The following PCDHGA2 variants were observed in gnomAD, a reference collection of about 807,000 sequenced individuals.
The protein encoded by PCDHGA2 is protocadherin gamma-A2.
In PCDHGA2, 40 loss-of-function variants were observed where a neutral mutation model predicts 59.2. The ratio of observed to expected loss-of-function variants is 0.68; its 90% CI spans 0.52 to 0.88. The LOEUF is 0.88. Among genes scored for constraint, PCDHGA2 ranks in the 40% least tolerant of loss-of-function variants. The pLI, the probability that PCDHGA2 is intolerant of heterozygous loss-of-function variation, is 0.00. For synonymous variants in PCDHGA2, 560 were observed against 526.0 expected (o/e 1.06, Z -0.89); for missense variants, 1,226 against 1,204.0 (o/e 1.02, Z -0.27).
chr5:141,430,970 A>G (rs1026736997), intron 1 of PCDHGA2: 3 of 1,613,068 alleles, frequency 1.9e-6, no homozygotes, highest in Non-Finnish European at 2.5e-6. Context: ...CCCCAGAGGT[A>G]GGACGCAGCT....
chr5:141,357,980 A>C (rs979777324), intron 1 of PCDHGA2, among the ~76,000 whole-genome samples: 2 of 152,164 alleles, frequency 1.3e-5, no homozygotes, highest in Non-Finnish European at 2.9e-5. Context: ...GCCTGAGCTC[A>C]GGAGTTCGAG....
In PCDHGA2 at chr5:141,490,294, T is replaced by C. The variant is rs766906839; in HGVS notation, c.2425-4513T>C. ...CAATGACAATGCCCCAGAGGTGCTA[T>C]TGGCCTCTTTGGCCAACCCTGTCCT... On this transcript the variant is annotated intron_variant, in intron 1 of 3. Transcript: ENST00000394576. This position sits in a 1 kb window ranked among gnomAD's most constrained non-coding sequence, Gnocchi z 5.4. The C allele has an allele frequency of 5.6e-6, 9 of 1,614,104 alleles. No individual in the cohort carries two copies. The East Asian group carries it at 1.3e-4, about 24-fold the overall frequency.
At chr5:141,372,259 G>T (rs1229622208) in intron 1 of PCDHGA2, 2 of 1,613,108 alleles carry the variant, frequency 1.2e-6, no homozygotes, top group East Asian at 2.2e-5. Flanking sequence ...CTGGGCCTGC[G>T]CACGGGTGAG....
intron 1 of PCDHGA2, chr5:141,389,075 A>T: frequency 6.2e-7 from 1 of 1,614,066 alleles, no homozygotes; most frequent in Non-Finnish European, 8.5e-7. Context: ...CTTCTTCAAG[A>T]AACACGTATA....
intron 1 of PCDHGA2, among the ~76,000 whole-genome samples, chr5:141,406,607 C>T (rs1289606470): frequency 6.6e-6 from 1 of 152,202 alleles, no homozygotes; most frequent in Non-Finnish European, 1.5e-5. Flanking sequence ...AAAGTTGTCA[C>T]ATCTTTTATT....
intron 1 of PCDHGA2, chr5:141,344,231 C>T (rs1350756695): frequency 1.2e-6 from 2 of 1,613,918 alleles, no homozygotes; most frequent in Non-Finnish European, 1.7e-6. Flanking sequence ...GAGTCCGCAT[C>T]GTCTCCAGAG....
rs374476072 is a variant in PCDHGA2, at chr5:141,419,103, C to T, written c.2425-75704C>T. 5 of 1,613,886 alleles carry T rather than the reference C, an allele frequency of 3.1e-6. 1 individual carries two copies. Among genetic ancestry groups the T allele is most frequent in the South Asian group, 1.1e-5 (1 of 91,088 alleles). On this transcript the variant is annotated intron_variant, in intron 1 of 3. Transcript: ENST00000394576. ...GATGAGGCCCTGGATCGGGAGCAGA[C>T]CCCAGAGTACAACGTCACCATCGCA... is the stretch of plus-strand genomic sequence containing the variant.
At position 141,381,826 on chromosome 5, in the gene PCDHGA2, C is replaced by CTTTTTTT. The variant is rs770630741; in HGVS notation, c.2424+40447_2424+40453dup. Among the ~76,000 whole-genome samples the CTTTTTTT allele has an allele frequency of 1.4e-3, 102 of 74,248 alleles. 2 individuals are homozygous for CTTTTTTT. The highest frequency in any genetic ancestry group is 1.7e-3 in the Non-Finnish European group (71 of 42,360). The allele number at this position is 74,248 out of a possible 152,430, so 48.7% of individuals were successfully genotyped here. ...TTTCTTTCTTTCTTTCTTTCTTCTT[C>CTTTTTTT]TTTTTTTTTTTTTTTTTTTTTTGGC... On this transcript the variant is annotated intron_variant, in intron 1 of 3. Transcript: ENST00000394576.
At chr5:141,421,241 T>C in intron 1 of PCDHGA2, 1 of 1,600,982 alleles carries the variant, frequency 6.2e-7, no homozygotes, top group Non-Finnish European at 8.5e-7. Flanking sequence ...GCGAATCGGC[T>C]ACAGCGCGGG....
Position 141,510,957 on chromosome 5 carries a change from T to C in PCDHGA2, c.2583T>C (p.Asp861=), listed in dbSNP as rs372617587. ...MILASASEAA[D]GSSTLGGGAG... ...CCTCTGTCTCTGCAGAAGCTGCTGA[T>C]GGGAGCTCCACCCTGGGAGGGGGTG... Residue 861 remains aspartate, a synonymous_variant, in exon 4 of 4, where the codon GAT becomes GAC. Transcript: ENST00000394576. 2.5e-6 allele frequency: 4 copies of C among 1,614,134 alleles called. No individual in the cohort carries two copies. The highest frequency in any genetic ancestry group is 3.4e-6 in the Non-Finnish European group (4 of 1,180,004).
Position 141,340,891 on chromosome 5 carries a change from G to C in PCDHGA2, c.1920G>C (p.Gln640His), listed in dbSNP as rs1334776652. 6.2e-7 allele frequency: 1 copy of C among 1,613,716 alleles called. No individual in the cohort carries two copies. Among genetic ancestry groups the C allele is most frequent in the South Asian group, 1.1e-5 (1 of 91,046 alleles). ...RALLDRDALK[Q>H]SLVVAIQDHG... Reference sequence around the variant, plus strand: ...TGCTGGACAGAGACGCGCTCAAGCAGAGCCTCGTGGTGGCCATCCAGGACC... The same window carrying C: ...TGCTGGACAGAGACGCGCTCAAGCACAGCCTCGTGGTGGCCATCCAGGACC... Residue 640 changes from glutamine (Q) to histidine (H), a missense_variant, in exon 1 of 4, where the codon CAG (glutamine) becomes CAC (histidine). Transcript: ENST00000394576.
intron 1 of PCDHGA2, chr5:141,398,722 A>T: frequency 1.9e-6 from 3 of 1,613,816 alleles, no homozygotes; most frequent in Non-Finnish European, 2.5e-6. Context: ...ACTGGAGAAA[A>T]CCTTAGACCG....
At position 141,410,351 on chromosome 5, in the gene PCDHGA2, C is replaced by T. The variant is rs372351374; in HGVS notation, c.2424+68956C>T. ...TCTGGCCATTGCCTTGCGCCTGCGA[C>T]GCTCTCTCAGCCCTGCTACTTGGGA... On this transcript the variant is annotated intron_variant, in intron 1 of 3. Coordinates refer to ENST00000394576, the MANE Select transcript of PCDHGA2 (RefSeq NM_018915.4). The T allele has an allele frequency of 2.5e-6, 4 of 1,613,948 alleles. No homozygotes were observed. In the African/African-American group the frequency reaches 4.0e-5, roughly 16 times the overall value.
chr5:141,404,952 G>T, intron 1 of PCDHGA2: 1 of 1,614,030 alleles, frequency 6.2e-7, no homozygotes, highest in Non-Finnish European at 8.5e-7. Flanking sequence ...ATAGCTGACA[G>T]CATCCCAGAC....
At chr5:141,346,892 C>A (rs1049996512) in intron 1 of PCDHGA2, among the ~76,000 whole-genome samples, 1 of 152,168 alleles carries the variant, frequency 6.6e-6, no homozygotes, top group Non-Finnish European at 1.5e-5. Context: ...TATAGCTTAT[C>A]CTGATACATA....
rs765969768 is a variant in PCDHGA2, at chr5:141,421,456, G to A, written c.2425-73351G>A. ...CTCCAGAGGGAAGACACAGCTTTTC[G>A]CTGTGAATCCGCGAAGCGGCAGCTT... is the stretch of plus-strand genomic sequence containing the variant. On this transcript the variant is annotated intron_variant, in intron 1 of 3. Transcript: ENST00000394576. 9.3e-6 allele frequency: 15 copies of A among 1,614,132 alleles called. No homozygotes were observed. Among genetic ancestry groups the A allele is most frequent in the Non-Finnish European group, 1.1e-5 (13 of 1,179,948 alleles).
chr5:141,347,616 G>C (rs1322206941), intron 1 of PCDHGA2, among the ~76,000 whole-genome samples: 1 of 152,010 alleles, frequency 6.6e-6, no homozygotes, highest in Non-Finnish European at 1.5e-5. Flanking sequence ...GTGAAAGCCT[G>C]TCTCTACTAA....
chr5:141,376,129 C>G, intron 1 of PCDHGA2: 2 of 1,613,928 alleles, frequency 1.2e-6, no homozygotes, highest in Non-Finnish European at 1.7e-6. Context: ...AGCCCTCCGC[C>G]AAACCCAACG....
chr5:141,362,133 T>G, intron 1 of PCDHGA2: 2 of 1,614,020 alleles, frequency 1.2e-6, no homozygotes, highest in South Asian at 2.2e-5. Flanking sequence ...TCTTCGCGGA[T>G]AGCCTGCAAG....
Sources: gnomAD v4.1 joint callset for allele counts (sites outside exome capture counted in the v4.1 genomes callset) on GRCh38, gnomAD v4.1.1 for gene constraint, Gnocchi (gnomAD v3.1) non-coding constraint, MANE v1.5 for transcripts, NCBI Gene and HGNC (gene_info 2026-07-23, HGNC 2026-07-21) for gene names.